Variants in LOC400499 observed in about 807,000 individuals in gnomAD.
the LOC400499 span, among the ~76,000 whole-genome samples, chr16:11,401,733 C>T: frequency 2.0e-5 from 3 of 152,216 alleles, no homozygotes; most frequent in African/African-American, 4.8e-5. Flanking sequence ...CATCTGAACA[C>T]GGGCCCATTA....
the LOC400499 span, among the ~76,000 whole-genome samples, chr16:11,513,978 G>C: frequency 1.3e-5 from 2 of 152,102 alleles, no homozygotes; most frequent in African/African-American, 2.4e-5. Flanking sequence ...AGAATTGTAG[G>C]AGGGCACCAA....
chr16:11,384,006 C>A, the LOC400499 span: 12 of 1,231,684 alleles, frequency 9.7e-6, no homozygotes, highest in African/African-American at 1.6e-4. Flanking sequence ...AGTCACCACC[C>A]ACCTGGCAGG....
At chr16:11,398,515 A>G in the LOC400499 span, 7 of 1,232,168 alleles carry the variant, frequency 5.7e-6, no homozygotes, top group Middle Eastern at 3.1e-4. Flanking sequence ...TGCCTCTGGA[A>G]TGAGAGGGCC....
chr16:11,385,226 G>C, the LOC400499 span: 70 of 1,232,214 alleles, frequency 5.7e-5, no homozygotes, highest in South Asian at 2.5e-4. Context: ...GACTGGGGTA[G>C]AGGATGAGGG....
the LOC400499 span, among the ~76,000 whole-genome samples, chr16:11,425,949 C>A: frequency 6.6e-6 from 1 of 152,006 alleles, no homozygotes; most frequent in Non-Finnish European, 1.5e-5. Flanking sequence ...ACTTTCTTAA[C>A]AAAGTATTAG....
the LOC400499 span, among the ~76,000 whole-genome samples, chr16:11,406,921 C>G: frequency 6.6e-6 from 1 of 152,218 alleles, no homozygotes; most frequent in Non-Finnish European, 1.5e-5. Context: ...GGGAGTCAAT[C>G]TCCCCCGCTA....
chr16:11,461,220 G>C, the LOC400499 span: 6 of 1,397,834 alleles, frequency 4.3e-6, no homozygotes, highest in South Asian at 8.8e-5. Context: ...GAGGGGCCTT[G>C]GGGTTGGGGG....
the LOC400499 span, chr16:11,460,545 C>G: frequency 6.5e-7 from 1 of 1,535,688 alleles, no homozygotes; most frequent in Non-Finnish European, 8.7e-7. Context: ...TAGGCACCGT[C>G]TGAGCCACTG....
At chr16:11,462,019 G>C in the LOC400499 span, 3 of 1,092,942 alleles carry the variant, frequency 2.7e-6, no homozygotes, top group African/African-American at 1.6e-5. Context: ...TTGATATTAA[G>C]AGAAGCTGCA....
the LOC400499 span, among the ~76,000 whole-genome samples, chr16:11,483,994 CTTTTTTTTTTTT>C: frequency 1.1e-4 from 4 of 34,828 alleles, no homozygotes; most frequent in Admixed American, 5.3e-4. Context: ...GAGGAAGGGA[CTTTTTTTTTTTT>C]TTTTTTTTTT....
the LOC400499 span, among the ~76,000 whole-genome samples, chr16:11,452,134 T>G: frequency 4.6e-5 from 7 of 152,022 alleles, no homozygotes; most frequent in Non-Finnish European, 1.0e-4. Flanking sequence ...TTTCACTTTA[T>G]AGATCACAGT....
the LOC400499 span, among the ~76,000 whole-genome samples, chr16:11,490,396 G>GAAAA: frequency 3.3e-5 from 2 of 60,590 alleles, no homozygotes; most frequent in Admixed American, 2.0e-4. Context: ...ACTCTGTCTC[G>GAAAA]AAAAAAAAAA....
At chr16:11,377,437 G>C in the LOC400499 span, among the ~76,000 whole-genome samples, 1 of 152,188 alleles carries the variant, frequency 6.6e-6, no homozygotes, top group African/African-American at 2.4e-5. Context: ...CATTGAGTGT[G>C]ATGTTAGCTG....
At chr16:11,499,837 G>A in the LOC400499 span, among the ~76,000 whole-genome samples, 1 of 152,186 alleles carries the variant, frequency 6.6e-6, no homozygotes, top group Non-Finnish European at 1.5e-5. Context: ...CCTTGCCCAG[G>A]AAAGTGAGGA....
chr16:11,453,418 G>A, the LOC400499 span, among the ~76,000 whole-genome samples: 1 of 151,886 alleles, frequency 6.6e-6, no homozygotes, highest in Non-Finnish European at 1.5e-5. Flanking sequence ...GCCTCCAACA[G>A]GAAATACAGA....
the LOC400499 span, among the ~76,000 whole-genome samples, chr16:11,397,619 T>C: frequency 6.6e-6 from 1 of 152,140 alleles, no homozygotes; most frequent in Admixed American, 6.5e-5. Context: ...CATTTACATA[T>C]TGTCTATAGC....
chr16:11,488,663 CT>C, the LOC400499 span: 2 of 398,556 alleles, frequency 5.0e-6, no homozygotes, highest in Non-Finnish European at 8.9e-6. Flanking sequence ...GTCCCCCAGC[CT>C]TTGTGGTTCC....
chr16:11,443,965 G>A, the LOC400499 span, among the ~76,000 whole-genome samples: 1 of 152,028 alleles, frequency 6.6e-6, no homozygotes, highest in East Asian at 1.9e-4. Context: ...CTCCGGGGTA[G>A]CTGGGATTAT....
chr16:11,448,053 C>CTG, the LOC400499 span: 1 of 1,535,542 alleles, frequency 6.5e-7, no homozygotes, highest in Admixed American at 2.0e-5. Flanking sequence ...CAGCCGTGAG[C>CTG]GACACCTGGG....
Sources: gnomAD v4.1 joint callset for allele counts (sites outside exome capture counted in the v4.1 genomes callset) on GRCh38, gnomAD v4.1.1 for gene constraint, MANE v1.5 for transcripts.